Variants in USP13 observed in about 807,000 individuals in gnomAD.
The protein encoded by USP13 is ubiquitin carboxyl-terminal hydrolase 13.
In USP13, 68 loss-of-function variants were observed where a neutral mutation model predicts 107.8. The observed-to-expected ratio is 0.63, with a 90% CI of 0.52 to 0.77. The LOEUF is 0.77. Ranked by LOEUF, USP13 falls within the 30% of genes least tolerant of loss-of-function variation. USP13 has a pLI of 0.00. For synonymous variants in USP13, 377 were observed against 389.5 expected (o/e 0.97, Z 0.38); for missense variants, 945 against 1,093.3 (o/e 0.86, Z 1.91).
chr3:179,694,123 G>A (rs55885653), intron 3 of USP13, among the ~76,000 whole-genome samples: 10 of 151,436 alleles, frequency 6.6e-5, no homozygotes, highest in East Asian at 3.9e-4. Context: ...ACAGGCATGC[G>A]CCACCATGCC....
chr3:179,769,181 CAT>C (rs1715271975), intron 19 of USP13, among the ~76,000 whole-genome samples: 2 of 151,966 alleles, frequency 1.3e-5, no homozygotes, highest in Admixed American at 6.6e-5. Context: ...ATGTGATTAA[CAT>C]GTGATGAGGC....
chr3:179,653,552 C>T lies in USP13; in HGVS notation c.168+159C>T. ...AGTTCGGCAGACACTTAGTGAGCGC[C>T]CCAGGGCTGCTGCAGCCGAGGACTG... On this transcript the variant is annotated intron_variant, in intron 1 of 20. Coordinates refer to ENST00000263966, the MANE Select transcript of USP13 (RefSeq NM_003940.3). This position sits in a 1 kb window ranked among gnomAD's most constrained non-coding sequence, Gnocchi z 4.0. The T allele has an allele frequency of 9.8e-7, 1 of 1,016,198 alleles. No individual in the cohort carries two copies. The highest frequency in any genetic ancestry group is 1.4e-6 in the Non-Finnish European group (1 of 719,698). 62.9% of individuals were successfully genotyped at this position (1,016,198 alleles called of 1,614,324 possible). A position where few individuals can be genotyped will look rare whatever the true frequency, so the allele number is the denominator to read the frequency against.
chr3:179,750,287 AAT>A (rs971977148), intron 13 of USP13, among the ~76,000 whole-genome samples: 10 of 138,082 alleles, frequency 7.2e-5, no homozygotes, highest in Admixed American at 2.9e-4. Flanking sequence ...AATAATAATA[AAT>A]ATATATATGT....
chr3:179,719,006 C>T (rs1001726290), intron 6 of USP13, among the ~76,000 whole-genome samples: 3 of 152,140 alleles, frequency 2.0e-5, no homozygotes, highest in Non-Finnish European at 4.4e-5. Context: ...CCGCCTGCCT[C>T]GGCCTCCCAA....
intron 7 of USP13, among the ~76,000 whole-genome samples, chr3:179,720,907 C>T (rs1255548201): frequency 1.3e-5 from 2 of 151,232 alleles, no homozygotes; most frequent in African/African-American, 2.4e-5. Context: ...CTCCTGGGTT[C>T]AAGCAGTTCT....
rs539253047 is a variant in USP13, at chr3:179,653,774, C to A, written c.168+381C>A. The A allele has an allele frequency of 5.2e-6, 1 of 193,004 alleles. No homozygotes were observed. The highest frequency in any genetic ancestry group is 1.5e-4 in the East Asian group (1 of 6,856). 12.0% of individuals were successfully genotyped at this position (193,004 alleles called of 1,614,324 possible). ...GGGTAGGTGGACGGGATGATCCCCC[C>A]ACACCCCGGGACACACACAGCCCTT... On this transcript the variant is annotated intron_variant, in intron 1 of 20. Transcript: ENST00000263966. This position sits in a 1 kb window ranked among gnomAD's most constrained non-coding sequence, Gnocchi z 4.0.
At chr3:179,684,704 T>C (rs945561005) in intron 2 of USP13, among the ~76,000 whole-genome samples, 6 of 152,202 alleles carry the variant, frequency 3.9e-5, no homozygotes, top group African/African-American at 1.4e-4. Context: ...CTTATTTGTC[T>C]GTCTCTGCAT....
intron 19 of USP13, among the ~76,000 whole-genome samples, chr3:179,772,823 G>A (rs1280420386): frequency 6.6e-6 from 1 of 152,180 alleles, no homozygotes; most frequent in Non-Finnish European, 1.5e-5. Context: ...ATTTGGAGCT[G>A]GCTAGGGTTG....
chr3:179,771,732 G>A (rs1239350206), intron 19 of USP13, among the ~76,000 whole-genome samples: 2 of 152,160 alleles, frequency 1.3e-5, no homozygotes, highest in African/African-American at 4.8e-5. Context: ...GTGGAAAAAA[G>A]CTATTATTAC....
In USP13 at chr3:179,774,391, T is replaced by C. The variant is rs989511919; in HGVS notation, c.2414-7348T>C. ...TCTTAAAGATGGTGTGTCCGCAGTT[T>C]GTTCCTTCTGATGTTCGGACATGTT... On this transcript the variant is annotated intron_variant, in intron 19 of 20. Coordinates refer to ENST00000263966, the MANE Select transcript of USP13 (RefSeq NM_003940.3). 3.3e-5 allele frequency among the ~76,000 whole-genome samples: 5 copies of C among 152,336 alleles called. No homozygotes were observed. The East Asian group carries it at 9.6e-4, about 29-fold the overall frequency.
chr3:179,740,096 C>T (rs772856946), intron 10 of USP13, 151 bp from the exon 11 acceptor site: 34 of 1,063,388 alleles, frequency 3.2e-5, no homozygotes, highest in South Asian at 4.7e-5. Context: ...AAACACCCAG[C>T]GAGTATTGGC....
At chr3:179,698,743 G>T (rs1015749119) in intron 3 of USP13, among the ~76,000 whole-genome samples, 1 of 151,834 alleles carries the variant, frequency 6.6e-6, no homozygotes, top group African/African-American at 2.4e-5. Context: ...TTGTCTATGA[G>T]CATAATATAA....
chr3:179,763,148 GT>G (rs201106395), intron 17 of USP13, among the ~76,000 whole-genome samples: 141 of 152,102 alleles, frequency 9.3e-4, no homozygotes, highest in Middle Eastern at 3.4e-3. Flanking sequence ...TATGATTTGT[GT>G]TTTCCCCCCC....
chr3:179,778,650 C>T (rs1247950647), intron 19 of USP13, among the ~76,000 whole-genome samples: 4 of 152,092 alleles, frequency 2.6e-5, no homozygotes. Context: ...CCTGTAGTCC[C>T]AGCTACTTGG....
In USP13 at chr3:179,752,523, T is replaced by C. The variant is rs1035047358; in HGVS notation, c.1798+150T>C. 5.9e-6 allele frequency: 4 copies of C among 672,822 alleles called. No individual in the cohort carries two copies. The East Asian group carries it at 8.0e-5, about 13-fold the overall frequency. The allele number at this position is 672,822 out of a possible 1,614,324, so 41.7% of individuals were successfully genotyped here. ...TTCTGTTTTGAATCAGAGTATATGA[T>C]AAGAACTGACAATAAAAATTGCCAT... On this transcript the variant is annotated intron_variant, in intron 14 of 20. Coordinates refer to ENST00000263966, the MANE Select transcript of USP13 (RefSeq NM_003940.3).
At chr3:179,654,241 G>T (rs983432409) in intron 1 of USP13, among the ~76,000 whole-genome samples, 4 of 149,500 alleles carry the variant, frequency 2.7e-5, no homozygotes, top group African/African-American at 9.9e-5. Context: ...AATGTCAGAC[G>T]AAACCTTCCG....
intron 4 of USP13, among the ~76,000 whole-genome samples, chr3:179,706,616 C>A (rs1021403421): frequency 6.6e-6 from 1 of 152,192 alleles, no homozygotes; most frequent in Non-Finnish European, 1.5e-5. Context: ...TTCACCCTTG[C>A]AAATTGTTCA....
chr3:179,771,228 C>G (rs959964802), intron 19 of USP13, among the ~76,000 whole-genome samples: 11 of 152,158 alleles, frequency 7.2e-5, no homozygotes, highest in African/African-American at 2.7e-4. Context: ...CTATATCTTT[C>G]CAGGTTAAAA....
intron 1 of USP13, among the ~76,000 whole-genome samples, chr3:179,675,296 A>G (rs1004432054): frequency 6.6e-6 from 1 of 151,810 alleles, no homozygotes; most frequent in Non-Finnish European, 1.5e-5. Context: ...ATCTATTTGG[A>G]CTTTATTACC....
Sources: allele counts gnomAD v4.1 joint callset (sites outside exome capture counted in the v4.1 genomes callset), GRCh38; gene constraint gnomAD v4.1.1; non-coding constraint Gnocchi (gnomAD v3.1); transcripts MANE v1.5; gene names NCBI Gene and HGNC (gene_info 2026-07-23, HGNC 2026-07-21).